NUMB: variants seen among roughly 807,000 people sequenced by gnomAD.
NUMB encodes NUMB endocytic adaptor protein, also known as protein numb homolog.
In NUMB, 29 loss-of-function variants were observed where a neutral mutation model predicts 59.7. The observed-to-expected ratio is 0.49, with a 90% CI of 0.36 to 0.66. The LOEUF (loss-of-function observed/expected upper bound fraction) is 0.66, where lower values mean the gene tolerates loss of function less well. Among genes scored for constraint, NUMB ranks in the 30% least tolerant of loss-of-function variants. NUMB has a pLI of 0.00. For synonymous variants in NUMB, 288 were observed against 288.2 expected (o/e 1.00, Z 0.01); for missense variants, 723 against 822.0 (o/e 0.88, Z 1.47).
intron 3 of NUMB, among the ~76,000 whole-genome samples, chr14:73,362,188 A>G (rs956089047): frequency 2.6e-5 from 4 of 152,002 alleles, no homozygotes; most frequent in Admixed American, 2.0e-4. Flanking sequence ...GCCAAGGAGG[A>G]AGAGGCTACA....
chr14:73,396,598 G>A (rs187437791), intron 2 of NUMB, among the ~76,000 whole-genome samples: 1 of 152,066 alleles, frequency 6.6e-6, no homozygotes, highest in Non-Finnish European at 1.5e-5. Flanking sequence ...TCAAACTCCT[G>A]AGCTCAACTG....
intron 1 of NUMB, among the ~76,000 whole-genome samples, chr14:73,437,444 A>G (rs1008442497): frequency 6.6e-6 from 1 of 152,230 alleles, no homozygotes; most frequent in Non-Finnish European, 1.5e-5. Flanking sequence ...TGTGATGGAA[A>G]CAATGCCATA....
At chr14:73,356,113 C>T (rs1375488319) in intron 3 of NUMB, among the ~76,000 whole-genome samples, 2 of 152,116 alleles carry the variant, frequency 1.3e-5, no homozygotes, top group Non-Finnish European at 2.9e-5. Context: ...ATTCTGCCTA[C>T]CCATCTACCT....
chr14:73,306,594 C>T (rs1347929031), intron 6 of NUMB, among the ~76,000 whole-genome samples: 1 of 152,128 alleles, frequency 6.6e-6, no homozygotes, highest in Non-Finnish European at 1.5e-5. Flanking sequence ...AGTGCTGTTC[C>T]TTCTGTCTGA....
intron 2 of NUMB, among the ~76,000 whole-genome samples, chr14:73,398,515 G>A (rs1157743072): frequency 6.7e-6 from 1 of 149,728 alleles, no homozygotes; most frequent in Non-Finnish European, 1.5e-5. Context: ...GGGTATTATA[G>A]ATGATCTTTT....
intron 7 of NUMB, among the ~76,000 whole-genome samples, chr14:73,294,015 G>A (rs1889587546): frequency 6.6e-6 from 1 of 152,232 alleles, no homozygotes; most frequent in African/African-American, 2.4e-5. Context: ...TTATTTTGAT[G>A]AGAATAAGTC....
chr14:73,398,011 C>T (rs964857273), intron 2 of NUMB, among the ~76,000 whole-genome samples: 4 of 152,110 alleles, frequency 2.6e-5, no homozygotes, highest in Non-Finnish European at 5.9e-5. Context: ...GTTTACAAAA[C>T]GAAGCATTAA....
At chr14:73,287,381 T>C in intron 8 of NUMB, 67 bp from the exon 9 acceptor site, 1 of 1,307,238 alleles carries the variant, frequency 7.6e-7, no homozygotes, top group East Asian at 2.5e-5. Flanking sequence ...AATAAGTCTT[T>C]TGTTTTGTTT....
intron 6 of NUMB, among the ~76,000 whole-genome samples, chr14:73,314,198 T>C (rs555807962): frequency 8.5e-5 from 13 of 152,282 alleles, no homozygotes; most frequent in African/African-American, 2.6e-4. Context: ...CACTTATAAA[T>C]AATATGAAAA....
At chr14:73,318,602 G>GAT (rs1891210184) in intron 5 of NUMB, among the ~76,000 whole-genome samples, 1 of 152,148 alleles carries the variant, frequency 6.6e-6, no homozygotes, top group Non-Finnish European at 1.5e-5. Context: ...GGAATTGGCT[G>GAT]ATATATGACA....
At chr14:73,383,274 C>T (rs1034647665) in intron 2 of NUMB, among the ~76,000 whole-genome samples, 3 of 151,956 alleles carry the variant, frequency 2.0e-5, no homozygotes, top group Non-Finnish European at 2.9e-5. Context: ...GAGAATTTCA[C>T]CAGAGAACTG....
intron 4 of NUMB, among the ~76,000 whole-genome samples, chr14:73,339,259 A>G (rs1267874726): frequency 6.6e-6 from 1 of 152,218 alleles, no homozygotes; most frequent in Admixed American, 6.5e-5. Context: ...GTGAAAATGT[A>G]GGTGATAGGG....
chr14:73,451,042 TA>T (rs1210919767), intron 1 of NUMB, among the ~76,000 whole-genome samples: 4 of 147,092 alleles, frequency 2.7e-5, no homozygotes, highest in Non-Finnish European at 4.4e-5. Context: ...TAATCCCAGC[TA>T]CTTGAGAGGC....
chr14:73,363,205 G>A (rs1410973009), intron 3 of NUMB, among the ~76,000 whole-genome samples: 3 of 151,968 alleles, frequency 2.0e-5, no homozygotes, highest in Non-Finnish European at 4.4e-5. Flanking sequence ...ACCGATACAG[G>A]AGAATCACTT....
At chr14:73,343,299 G>T (rs1290592190) in intron 4 of NUMB, among the ~76,000 whole-genome samples, 1 of 152,136 alleles carries the variant, frequency 6.6e-6, no homozygotes, top group Non-Finnish European at 1.5e-5. Flanking sequence ...AGCAAGAGTA[G>T]TAGAGTTCTT....
chr14:73,327,729 T>G lies in NUMB; in HGVS notation c.127-4525A>C, dbSNP rs146284928. ...ACTCTAGCTCATATACATGGTCCTG[T>G]AGGACATAGATTTACTCATTTTTAA... On this transcript the variant is annotated intron_variant, in intron 4 of 12. Coordinates refer to ENST00000555238, the MANE Select transcript of NUMB (RefSeq NM_001005743.2). Among the ~76,000 whole-genome samples, 828 of 152,270 alleles carry G rather than the reference T, an allele frequency of 5.4e-3. 25 individuals carry two copies. The highest frequency in any genetic ancestry group is 0.05 in the Admixed American group (770 of 15,284).
At chr14:73,378,316 G>A (rs1269863735) in intron 2 of NUMB, among the ~76,000 whole-genome samples, 3 of 152,086 alleles carry the variant, frequency 2.0e-5, no homozygotes, top group African/African-American at 7.2e-5. Context: ...ATGCAAAATG[G>A]CACAGCCACT....
At chr14:73,402,404 G>C (rs1347907807) in intron 2 of NUMB, among the ~76,000 whole-genome samples, 1 of 152,066 alleles carries the variant, frequency 6.6e-6, no homozygotes, top group African/African-American at 2.4e-5. Context: ...ATAAAGTATT[G>C]CACTGTAGAT....
intron 2 of NUMB, among the ~76,000 whole-genome samples, chr14:73,367,350 G>T (rs199837928): frequency 0.034 from 2,724 of 79,182 alleles, 31 homozygotes; most frequent in East Asian, 0.07. Context: ...TATATATATA[G>T]AGAGAGAGAG....
Sources: gnomAD v4.1 joint callset for allele counts (sites outside exome capture counted in the v4.1 genomes callset) on GRCh38, gnomAD v4.1.1 for gene constraint, MANE v1.5 for transcripts, NCBI Gene and HGNC (gene_info 2026-07-23, HGNC 2026-07-21) for gene names.